The following EPB41L3 variants were observed in gnomAD, a reference collection of about 807,000 sequenced individuals.
EPB41L3 encodes band 4.1-like protein 3.
A neutral mutation model predicts 127.1 loss-of-function variants in EPB41L3; 57 were observed. The observed-to-expected ratio is 0.45, with a 90% CI of 0.36 to 0.56. The LOEUF (loss-of-function observed/expected upper bound fraction) is 0.56. Among genes scored for constraint, EPB41L3 ranks in the 20% least tolerant of loss-of-function variants. The pLI, the probability that EPB41L3 is intolerant of heterozygous loss-of-function variation, is 0.00. For synonymous variants in EPB41L3, 572 were observed against 549.5 expected, an observed-to-expected ratio of 1.04 and a Z score of -0.57; for missense variants, 1,273 against 1,372.2, an observed-to-expected ratio of 0.93 and a Z score of 1.14.
intron 1 of EPB41L3, among the ~76,000 whole-genome samples, chr18:5,542,981 C>T (rs958453202): frequency 5.9e-5 from 9 of 152,172 alleles, no homozygotes; most frequent in Admixed American, 3.3e-4. Context: ...GTCCGAAGCC[C>T]TAGCCTCCCC....
chr18:5,402,903 T>C (rs1297581062), intron 16 of EPB41L3, among the ~76,000 whole-genome samples: 1 of 152,148 alleles, frequency 6.6e-6, no homozygotes, highest in African/African-American at 2.4e-5. Context: ...AAATACAGAA[T>C]TTGCAAATCA....
At chr18:5,610,043 G>A in intron 3 of EPB41L3, 2 of 957,508 alleles carry the variant, frequency 2.1e-6, no homozygotes, top group Non-Finnish European at 2.5e-6. Context: ...ACAGGCACTG[G>A]GATGCTGAAG....
intron 1 of EPB41L3, among the ~76,000 whole-genome samples, chr18:5,501,817 G>A (rs2091770653): frequency 6.6e-6 from 1 of 152,132 alleles, no homozygotes; most frequent in Non-Finnish European, 1.5e-5. Context: ...AATGGATGGA[G>A]ACTATAAAGA....
Position 5,489,070 on chromosome 18 carries a change from C to T in EPB41L3, c.114G>A (p.Lys38=), listed in dbSNP as rs576839943. The change falls in exon 2 of 23, where the codon AAG becomes AAA. Residue 38 remains lysine (K), a synonymous_variant. Coordinates refer to ENST00000341928, the MANE Select transcript of EPB41L3 (RefSeq NM_012307.5). ...GCTCCAGGGCCTGCTGCTGCTCCTC[C>T]TTGGGCGGCTCCGGCACGGGCGCCC... ...RAGAPVPEPP[K]EEQQQALEQF... The T allele has an allele frequency of 3.1e-6, 5 of 1,595,370 alleles. No homozygotes were observed. Among genetic ancestry groups the T allele is most frequent in the African/African-American group, 2.7e-5 (2 of 73,592 alleles).
chr18:5,459,579 T>C (rs1243497646), intron 3 of EPB41L3, among the ~76,000 whole-genome samples: 12 of 152,200 alleles, frequency 7.9e-5, no homozygotes, highest in Admixed American at 5.9e-4. Context: ...CTTTCATTAA[T>C]TAAAATGAAA....
At chr18:5,514,159 A>G (rs949909233) in intron 1 of EPB41L3, among the ~76,000 whole-genome samples, 1 of 152,194 alleles carries the variant, frequency 6.6e-6, no homozygotes, top group Admixed American at 6.5e-5. Context: ...TCAGTATGAA[A>G]CACTTGTTCC....
chr18:5,548,154 G>C (rs1353799477), upstream of EPB41L3, among the ~76,000 whole-genome samples: 8 of 152,118 alleles, frequency 5.3e-5, no homozygotes, highest in African/African-American at 1.9e-4. Context: ...CTTGAAATCA[G>C]GATATAAAGT....
At chr18:5,443,659 G>A (rs2081093222) in intron 5 of EPB41L3, among the ~76,000 whole-genome samples, 179 bp downstream of exon 5, 1 of 152,144 alleles carries the variant, frequency 6.6e-6, no homozygotes, top group African/African-American at 2.4e-5. Flanking sequence ...AAGCATCACG[G>A]TCCCTTTAAC....
At position 5,485,750 on chromosome 18, in the gene EPB41L3, A is replaced by C. The variant is rs549522601; in HGVS notation, c.183+3251T>G. Among the ~76,000 whole-genome samples the C allele has an allele frequency of 4.2e-4, 64 of 152,164 alleles. No homozygotes were observed. The South Asian group carries it at 0.013, about 31-fold the overall frequency. On this transcript the variant is annotated intron_variant, in intron 2 of 22. Transcript: ENST00000341928. ...GCAATCCTATTTACAATAGCTACAA[A>C]ATATAAAATACCTAGGAAGCAATCT...
At chr18:5,483,483 A>T (rs1240705450) in intron 2 of EPB41L3, among the ~76,000 whole-genome samples, 6 of 152,144 alleles carry the variant, frequency 3.9e-5, no homozygotes, top group Non-Finnish European at 8.8e-5. Flanking sequence ...ATAAGTCCTT[A>T]TCAATAACAC....
intron 16 of EPB41L3, among the ~76,000 whole-genome samples, chr18:5,403,009 G>A (rs1204213709): frequency 1.3e-5 from 2 of 152,106 alleles, no homozygotes; most frequent in African/African-American, 2.4e-5. Flanking sequence ...GGACAATATC[G>A]GCGCAGAATA....
At chr18:5,552,871 C>T (rs2093984902) in intron 3 of EPB41L3, among the ~76,000 whole-genome samples, 1 of 152,214 alleles carries the variant, frequency 6.6e-6, no homozygotes, top group South Asian at 2.1e-4. Flanking sequence ...CTCGGGTAGT[C>T]TGACTTCTGA....
At chr18:5,622,977 T>TTTTTTA (rs2094881162) in intron 1 of EPB41L3, among the ~76,000 whole-genome samples, 7 of 149,618 alleles carry the variant, frequency 4.7e-5, no homozygotes, top group Admixed American at 1.3e-4. Flanking sequence ...TTTTTTTTTT[T>TTTTTTA]AGCTATCAGA....
intron 1 of EPB41L3, among the ~76,000 whole-genome samples, chr18:5,618,402 C>T (rs2094822717): frequency 6.6e-6 from 1 of 152,096 alleles, no homozygotes; most frequent in Non-Finnish European, 1.5e-5. Flanking sequence ...ATTCCTTATG[C>T]GGGAAATGTA....
intron 12 of EPB41L3, among the ~76,000 whole-genome samples, chr18:5,419,112 A>G (rs2077166519): frequency 1.3e-5 from 2 of 152,238 alleles, no homozygotes; most frequent in South Asian, 4.1e-4. Flanking sequence ...ATTTGGGGTG[A>G]AACAATGTTA....
intron 2 of EPB41L3, among the ~76,000 whole-genome samples, chr18:5,613,750 C>T (rs1568648781): frequency 1.3e-5 from 2 of 152,206 alleles, no homozygotes; most frequent in African/African-American, 4.8e-5. Flanking sequence ...AATCCATTCT[C>T]TTCTGCTAAG....
Position 5,397,980 on chromosome 18 carries a change from G to A in EPB41L3, c.2472+41C>T. On this transcript the variant is annotated intron_variant, in intron 17 of 22. Transcript: ENST00000341928. This position sits in a 1 kb window ranked among gnomAD's most constrained non-coding sequence, Gnocchi z 4.1. The stretch of plus-strand genomic sequence containing the variant: ...AAAAAAAGGGTAAGGAAAGGCACAT[G>A]GGCACATTCAGAAACACCAAGGACG... 1 of 1,613,368 alleles carries A rather than the reference G, an allele frequency of 6.2e-7. No homozygotes were observed. Among genetic ancestry groups the A allele is most frequent in the Non-Finnish European group, 8.5e-7 (1 of 1,179,606 alleles).
intron 16 of EPB41L3, chr18:5,398,983 C>T (rs575568210): frequency 1.6e-4 from 65 of 399,132 alleles, no homozygotes; most frequent in African/African-American, 1.2e-3. Flanking sequence ...TTGGATTTCT[C>T]ATCAGCGAGG....
intron 3 of EPB41L3, among the ~76,000 whole-genome samples, chr18:5,551,859 T>C (rs915867431): frequency 2.6e-5 from 4 of 152,202 alleles, no homozygotes; most frequent in African/African-American, 9.6e-5. Context: ...AAATTTTAAA[T>C]ATTGATGCTT....
Sources: gnomAD v4.1 joint callset for allele counts (sites outside exome capture counted in the v4.1 genomes callset) on GRCh38, gnomAD v4.1.1 for gene constraint, Gnocchi (gnomAD v3.1) non-coding constraint, MANE v1.5 for transcripts, NCBI Gene and HGNC (gene_info 2026-07-23, HGNC 2026-07-21) for gene names.